The following MYRIP variants were observed in gnomAD, a reference collection of about 807,000 sequenced individuals.
The protein encoded by MYRIP is rab effector MyRIP.
In MYRIP, 49 loss-of-function variants were observed where a neutral mutation model predicts 98.0. The ratio of observed to expected loss-of-function variants is 0.50; its 90% CI spans 0.40 to 0.63. MYRIP has a LOEUF of 0.63. Ranked by LOEUF, MYRIP falls within the 30% of genes least tolerant of loss-of-function variation. MYRIP has a pLI of 0.00. For missense variants in MYRIP, 1,004 were observed against 1,058.2 expected (o/e 0.95, Z 0.71); for synonymous variants, 404 against 409.5 (o/e 0.99, Z 0.16).
intron 4 of MYRIP, 140 bp from the exon 5 acceptor site, chr3:40,162,590 T>G (rs1261462121): frequency 1.1e-5 from 7 of 647,832 alleles, no homozygotes; most frequent in South Asian, 4.1e-5. Context: ...TGGGACCTCA[T>G]GAGTCCCTAA....
chr3:39,839,676 C>T (rs1941736664), intron 1 of MYRIP, among the ~76,000 whole-genome samples: 1 of 152,120 alleles, frequency 6.6e-6, no homozygotes, highest in Non-Finnish European at 1.5e-5. Flanking sequence ...GTTTCCGGTA[C>T]ATTGTGTCTT....
At chr3:39,821,750 T>A (rs1215630120) in intron 1 of MYRIP, among the ~76,000 whole-genome samples, 1 of 152,120 alleles carries the variant, frequency 6.6e-6, no homozygotes, top group African/African-American at 2.4e-5. Flanking sequence ...AACTTTTTAA[T>A]ATTTTTTTTT....
At chr3:39,844,181 C>T (rs34306936) in intron 1 of MYRIP, among the ~76,000 whole-genome samples, 35,308 of 152,090 alleles carry the variant, frequency 0.23, 4,711 homozygotes, top group Middle Eastern at 0.31. Context: ...CTGTTATTTC[C>T]CATTCACCAT....
intron 1 of MYRIP, among the ~76,000 whole-genome samples, chr3:39,889,178 G>T (rs1432743187): frequency 6.6e-6 from 1 of 152,096 alleles, no homozygotes; most frequent in East Asian, 1.9e-4. Context: ...CCCATTACTG[G>T]GTATATACCT....
chr3:39,980,068 G>A (rs1945852236), intron 2 of MYRIP, among the ~76,000 whole-genome samples: 1 of 152,208 alleles, frequency 6.6e-6, no homozygotes, highest in Non-Finnish European at 1.5e-5. Context: ...AGGTTATGAA[G>A]GCAAAAGATC....
intron 1 of MYRIP, among the ~76,000 whole-genome samples, chr3:39,877,514 G>GT (rs1943033197): frequency 1.3e-5 from 2 of 152,094 alleles, no homozygotes; most frequent in Admixed American, 1.3e-4. Context: ...GTGCAGATGG[G>GT]TTTTTGGTGT....
At chr3:39,933,021 G>A (rs1002186412) in intron 2 of MYRIP, among the ~76,000 whole-genome samples, 2 of 152,226 alleles carry the variant, frequency 1.3e-5, no homozygotes. Flanking sequence ...GACTGCTCTA[G>A]AATAAGGGGT....
At chr3:40,153,587 T>C (rs1950162814) in intron 4 of MYRIP, among the ~76,000 whole-genome samples, 1 of 152,196 alleles carries the variant, frequency 6.6e-6, no homozygotes, top group Admixed American at 6.5e-5. Context: ...AGTATACATA[T>C]TTTTAAAAGC....
intron 11 of MYRIP, among the ~76,000 whole-genome samples, chr3:40,214,748 C>A (rs1410559113): frequency 6.6e-6 from 1 of 152,174 alleles, no homozygotes; most frequent in Non-Finnish European, 1.5e-5. Context: ...ACTCGTTTCT[C>A]CCCAACCACT....
intron 1 of MYRIP, among the ~76,000 whole-genome samples, chr3:39,885,365 C>T (rs995476578): frequency 1.1e-4 from 16 of 152,048 alleles, no homozygotes; most frequent in African/African-American, 2.7e-4. Context: ...CCGAGAGATC[C>T]GCTGTTAGTC....
intron 3 of MYRIP, among the ~76,000 whole-genome samples, chr3:40,136,743 A>G (rs996480208): frequency 1.3e-5 from 2 of 152,198 alleles, no homozygotes; most frequent in Non-Finnish European, 1.5e-5. Context: ...CGCAAAACTG[A>G]TCAACTACAT....
intron 2 of MYRIP, among the ~76,000 whole-genome samples, chr3:39,959,923 T>C (rs1258786014): frequency 6.6e-6 from 1 of 152,134 alleles, no homozygotes; most frequent in African/African-American, 2.4e-5. Flanking sequence ...GCCCCCCATG[T>C]GAGCAGGCTG....
At chr3:39,977,051 A>T (rs957994374) in intron 2 of MYRIP, among the ~76,000 whole-genome samples, 1 of 128,620 alleles carries the variant, frequency 7.8e-6, no homozygotes, top group Non-Finnish European at 1.6e-5. Context: ...ATTAAAAAAA[A>T]ATTATTCTGT....
At chr3:39,982,710 A>C (rs1945925063) in intron 2 of MYRIP, among the ~76,000 whole-genome samples, 1 of 152,152 alleles carries the variant, frequency 6.6e-6, no homozygotes, top group Non-Finnish European at 1.5e-5. Flanking sequence ...CCTTTTAAAA[A>C]TCTCTCTCTG....
chr3:40,122,927 G>A (rs1949435110), intron 3 of MYRIP, among the ~76,000 whole-genome samples: 1 of 151,960 alleles, frequency 6.6e-6, no homozygotes, highest in Non-Finnish European at 1.5e-5. Flanking sequence ...TGTTCTATAG[G>A]TAAATTGCAT....
chr3:40,117,525 G>A (rs1949310411), intron 3 of MYRIP, among the ~76,000 whole-genome samples: 1 of 152,112 alleles, frequency 6.6e-6, no homozygotes, highest in African/African-American at 2.4e-5. Context: ...CACTACTCAT[G>A]TCCAGTGTCC....
intron 1 of MYRIP, among the ~76,000 whole-genome samples, chr3:39,863,981 A>G (rs771729086): frequency 6.6e-6 from 1 of 152,222 alleles, no homozygotes; most frequent in Non-Finnish European, 1.5e-5. Flanking sequence ...TCTGGGACGC[A>G]AGGTTGTCTC....
intron 1 of MYRIP, among the ~76,000 whole-genome samples, chr3:39,844,704 G>A (rs1236253380): frequency 1.3e-5 from 2 of 152,196 alleles, no homozygotes; most frequent in Non-Finnish European, 1.5e-5. Context: ...CTTGTAGCAA[G>A]CATGAGCTGT....
intron 3 of MYRIP, among the ~76,000 whole-genome samples, chr3:40,069,011 C>T (rs1948173723): frequency 6.6e-6 from 1 of 152,180 alleles, no homozygotes; most frequent in Admixed American, 6.5e-5. Flanking sequence ...AGACACAAAA[C>T]ACATCTAAGA....
Sources: gnomAD v4.1 joint callset for allele counts (sites outside exome capture counted in the v4.1 genomes callset) on GRCh38, gnomAD v4.1.1 for gene constraint, MANE v1.5 for transcripts, NCBI Gene and HGNC (gene_info 2026-07-23, HGNC 2026-07-21) for gene names.